GLS: variants seen among roughly 807,000 people sequenced by gnomAD.
GLS encodes the protein glutaminase kidney isoform, mitochondrial.
Under a neutral mutation model 86.7 loss-of-function variants are expected in GLS, and 36 were observed. The observed-to-expected ratio is 0.42, with a 90% CI of 0.32 to 0.55. The LOEUF is 0.55. GLS is among the 20% of genes least tolerant of loss of function. The probability of loss-of-function intolerance (pLI) is 0.17; values close to 1 mark genes in which losing one functional copy is unlikely to be tolerated. For missense variants in GLS, 528 were observed against 833.4 expected (o/e 0.63, Z 4.51); for synonymous variants, 317 against 305.9 (o/e 1.04, Z -0.38).
At chr2:190,882,716 G>A (rs2125970019) in intron 1 of GLS, among the ~76,000 whole-genome samples, 1 of 152,278 alleles carries the variant, frequency 6.6e-6, no homozygotes, top group Admixed American at 6.5e-5. Flanking sequence ...TTGATGATGG[G>A]CGAAATTTGT....
intron 14 of GLS, among the ~76,000 whole-genome samples, chr2:190,948,226 C>A (rs1193437225): frequency 6.6e-6 from 1 of 152,140 alleles, no homozygotes; most frequent in East Asian, 1.9e-4. Flanking sequence ...CTTTTGTTTT[C>A]ATGGGAAGAA....
chr2:190,933,439 AAATT>A, intron 14 of GLS: 2 of 870,286 alleles, frequency 2.3e-6, no homozygotes, highest in South Asian at 1.1e-4. Flanking sequence ...ACATTTTAAA[AAATT>A]TATTTAAAAA....
chr2:190,928,123 A>T (rs1039548417), intron 12 of GLS, among the ~76,000 whole-genome samples: 4 of 152,042 alleles, frequency 2.6e-5, no homozygotes, highest in Admixed American at 1.3e-4. Context: ...TTTCATCTGT[A>T]TGTGCATCTG....
Position 190,921,567 on chromosome 2 carries a change from A to G in GLS, c.1130+364A>G, listed in dbSNP as rs1305805168. 6.6e-6 allele frequency among the ~76,000 whole-genome samples: 1 copy of G among 151,996 alleles called. No homozygotes were observed. On this transcript the variant is annotated intron_variant, in intron 9 of 17. Transcript: ENST00000320717. The surrounding 1 kb of genome is among the most constrained non-coding windows in gnomAD (Gnocchi z 4.2). ...CTGGAATCTTTTACTTATATTTTCTAATATTTTGTCTTACTTGCTTTTTCT... is the reference window on the plus strand; with the variant it reads ...CTGGAATCTTTTACTTATATTTTCTGATATTTTGTCTTACTTGCTTTTTCT...
At chr2:190,911,438 T>C (rs758641338) in intron 7 of GLS, among the ~76,000 whole-genome samples, 2 of 152,170 alleles carry the variant, frequency 1.3e-5, no homozygotes, top group Non-Finnish European at 2.9e-5. Context: ...TTAATTCTTA[T>C]AACTCTAATG....
At chr2:190,960,359 A>ATTTTTTTTTTTTTTTTT (rs770419477) in intron 17 of GLS, among the ~76,000 whole-genome samples, 1 of 101,486 alleles carries the variant, frequency 9.9e-6, no homozygotes, top group African/African-American at 4.0e-5. Context: ...TTAAGCTTCA[A>ATTTTTTTTTTTTTTTTT]TTTTTTTTTT....
rs1376884889 is a variant in GLS, at chr2:190,963,941, G to C, written c.*955G>C. ...AGCTTCTAGGGTAAAGATAAATTCA[G>C]AAATGCTCTAAGCTACCAAAGTTAT... On this transcript the variant is annotated 3_prime_UTR_variant, in exon 18 of 18. Coordinates refer to ENST00000320717, the MANE Select transcript of GLS (RefSeq NM_014905.5). The C allele has an allele frequency of 6.6e-6, 1 of 151,892 alleles. No homozygotes were observed. Among genetic ancestry groups the C allele is most frequent in the Admixed American group, 6.6e-5 (1 of 15,250 alleles). The allele number at this position is 151,892 out of a possible 1,614,324, so 9.4% of individuals were successfully genotyped here.
At position 190,933,486 on chromosome 2, in the gene GLS, T is replaced by A. The variant is rs1047502491; in HGVS notation, c.1650+1849T>A. The A allele has an allele frequency of 5.8e-5, 52 of 890,618 alleles. No individual in the cohort carries two copies. In the South Asian group the frequency reaches 2.4e-3, roughly 41 times the overall value. 55.2% of individuals were successfully genotyped at this position (890,618 alleles called of 1,614,324 possible). ...AATGCTTTAAAATATGACTCCTACT[T>A]TTTTTATTTTGCAACTCCTCTGTTC... On this transcript the variant is annotated intron_variant, in intron 14 of 17. Transcript: ENST00000320717.
Position 190,921,017 on chromosome 2 carries a change from T to C in GLS, c.1039-7T>C, listed in dbSNP as rs1689716861. On this transcript the variant is annotated splice_region_variant and splice_polypyrimidine_tract_variant and intron_variant, in intron 7 of 17. Transcript: ENST00000320717. This position sits in a 1 kb window ranked among gnomAD's most constrained non-coding sequence, Gnocchi z 4.2. ...TTAACGTATTTATGTCTCTTATTTT[T>C]TTGCAGCAAGGAGTAAATAATGCTG... is the stretch of plus-strand genomic sequence containing the variant. The C allele has an allele frequency of 6.7e-7, 1 of 1,498,822 alleles. No homozygotes were observed. Among genetic ancestry groups the C allele is most frequent in the South Asian group, 1.1e-5 (1 of 88,472 alleles). 92.8% of individuals were successfully genotyped at this position (1,498,822 alleles called of 1,614,324 possible).
chr2:190,939,365 A>C (rs1031798519), intron 14 of GLS, among the ~76,000 whole-genome samples: 1 of 151,712 alleles, frequency 6.6e-6, no homozygotes, highest in Admixed American at 6.6e-5. Context: ...TGCTCTCAAA[A>C]TATTATAGTA....
chr2:190,905,342 A>C lies in GLS; in HGVS notation c.979+175A>C. Reference sequence around the variant, plus strand: ...TAAAAATGATTATTTTAGGCATCTCATACCACTGGGAAGTGGGCTAGGGAG... The same window carrying C: ...TAAAAATGATTATTTTAGGCATCTCCTACCACTGGGAAGTGGGCTAGGGAG... On this transcript the variant is annotated intron_variant, in intron 6 of 17. Coordinates refer to ENST00000320717, the MANE Select transcript of GLS (RefSeq NM_014905.5). The surrounding 1 kb of genome is among the most constrained non-coding windows in gnomAD (Gnocchi z 4.6). 1 of 538,958 alleles carries C rather than the reference A, an allele frequency of 1.9e-6. No individual in the cohort carries two copies. 33.4% of individuals were successfully genotyped at this position (538,958 alleles called of 1,614,324 possible). A position where few individuals can be genotyped will look rare whatever the true frequency, so the allele number is the denominator to read the frequency against.
rs1262869502 is a variant in GLS at position 190,943,598 on chromosome 2, A to T, written c.1651-9967A>T. On this transcript the variant is annotated intron_variant, in intron 14 of 17. Coordinates refer to ENST00000320717, the MANE Select transcript of GLS (RefSeq NM_014905.5). This position sits in a 1 kb window ranked among gnomAD's most constrained non-coding sequence, Gnocchi z 4.5. ...TATATTTACATGATGTCCTTTCTAAATTTTTTTTAGATAGAACAATTGCTT... is the reference window on the plus strand; with the variant it reads ...TATATTTACATGATGTCCTTTCTAATTTTTTTTTAGATAGAACAATTGCTT... Among the ~76,000 whole-genome samples, 2 of 152,032 alleles carry T rather than the reference A, an allele frequency of 1.3e-5. No individual in the cohort carries two copies. The highest frequency in any genetic ancestry group is 1.5e-5 in the Non-Finnish European group (1 of 67,978).
chr2:190,953,036 G>A lies in GLS; in HGVS notation c.1651-529G>A, dbSNP rs1690759346. ...ACCCAATTTGTACCACCTGGGCATT[G>A]AACTGAAGGCTGTCTTTCCAGTGAA... On this transcript the variant is annotated intron_variant, in intron 14 of 17. Coordinates refer to ENST00000320717, the MANE Select transcript of GLS (RefSeq NM_014905.5). The surrounding 1 kb of genome is among the most constrained non-coding windows in gnomAD (Gnocchi z 4.0). 6.6e-6 allele frequency among the ~76,000 whole-genome samples: 1 copy of A among 152,200 alleles called. No homozygotes were observed. The highest frequency in any genetic ancestry group is 2.1e-4 in the South Asian group (1 of 4,832).
intron 7 of GLS, among the ~76,000 whole-genome samples, chr2:190,915,849 G>A (rs1234502415): frequency 6.6e-6 from 1 of 152,158 alleles, no homozygotes; most frequent in Non-Finnish European, 1.5e-5. Context: ...TTATATACTA[G>A]GTTGTTTCCA....
chr2:190,921,978 G>A lies in GLS; in HGVS notation c.1130+775G>A, dbSNP rs754941137. 5.9e-5 allele frequency among the ~76,000 whole-genome samples: 9 copies of A among 151,938 alleles called. No individual in the cohort carries two copies. The highest frequency in any genetic ancestry group is 3.9e-4 in the East Asian group (2 of 5,194). On this transcript the variant is annotated intron_variant, in intron 9 of 17. Transcript: ENST00000320717. The surrounding 1 kb of genome is among the most constrained non-coding windows in gnomAD (Gnocchi z 4.2). Reference sequence around the variant, plus strand: ...TGTCTCTTTACTTAGAACAGTCCCCGTGCCCTTGCTTTCACAAATTTTATT... The same window carrying A: ...TGTCTCTTTACTTAGAACAGTCCCCATGCCCTTGCTTTCACAAATTTTATT...
At chr2:190,950,422 G>A (rs982326712) in intron 14 of GLS, among the ~76,000 whole-genome samples, 1 of 152,198 alleles carries the variant, frequency 6.6e-6, no homozygotes, top group Non-Finnish European at 1.5e-5. Flanking sequence ...GATAGAGGTG[G>A]TGAGAAGTGA....
At chr2:190,896,639 C>G (rs1482378496) in intron 3 of GLS, 1 of 152,124 alleles carries the variant, frequency 6.6e-6, no homozygotes, top group Admixed American at 6.6e-5. Flanking sequence ...AAGTATTTAA[C>G]TGTGGTTCTC....
chr2:190,911,895 CAT>C (rs1689374531), intron 7 of GLS, among the ~76,000 whole-genome samples: 1 of 152,052 alleles, frequency 6.6e-6, no homozygotes, highest in Admixed American at 6.6e-5. Context: ...ATACACTACG[CAT>C]AGTCTCAAAA....
At chr2:190,959,322 A>C (rs1212845237) in intron 17 of GLS, among the ~76,000 whole-genome samples, 2 of 150,122 alleles carry the variant, frequency 1.3e-5, no homozygotes, top group Non-Finnish European at 2.9e-5. Context: ...GTGTCTTTGC[A>C]CGTGAGATGG....
Sources: gnomAD v4.1 joint callset for allele counts (sites outside exome capture counted in the v4.1 genomes callset) on GRCh38, gnomAD v4.1.1 for gene constraint, Gnocchi (gnomAD v3.1) non-coding constraint, MANE v1.5 for transcripts, NCBI Gene and HGNC (gene_info 2026-07-23, HGNC 2026-07-21) for gene names.